The following EDC3 variants were observed in gnomAD, a reference collection of about 807,000 sequenced individuals.
EDC3 encodes enhancer of mRNA-decapping protein 3.
In EDC3, 20 loss-of-function variants were observed where a neutral mutation model predicts 41.8. That is an observed-to-expected ratio of 0.48 (90% CI 0.34 to 0.70). The LOEUF (loss-of-function observed/expected upper bound fraction) is 0.70. EDC3 is among the 30% of genes least tolerant of loss of function. The pLI, the probability that EDC3 is intolerant of heterozygous loss-of-function variation, is 0.01. For synonymous variants in EDC3, 206 were observed against 243.2 expected, an observed-to-expected ratio of 0.85 and a Z score of 1.42; for missense variants, 444 against 636.8, an observed-to-expected ratio of 0.70 and a Z score of 3.26.
intron 3 of EDC3, among the ~76,000 whole-genome samples, chr15:74,661,817 CAAAT>C (rs779540792): frequency 1.5e-4 from 22 of 151,542 alleles, no homozygotes; most frequent in Non-Finnish European, 2.2e-4. Context: ...GCACAATGGT[CAAAT>C]AAATAATTCA....
chr15:74,635,069 T>TTACA, intron 6 of EDC3: 1 of 507,532 alleles, frequency 2.0e-6, no homozygotes, highest in Non-Finnish European at 3.8e-6. Context: ...CACAAGTATG[T>TTACA]TACATGTCTT....
intron 2 of EDC3, among the ~76,000 whole-genome samples, chr15:74,673,460 T>C (rs1472516024): frequency 6.6e-6 from 1 of 152,156 alleles, no homozygotes; most frequent in Non-Finnish European, 1.5e-5. Context: ...CCGAAAATCT[T>C]GCATTTAAGA....
At chr15:74,656,600 A>G (rs567206646) in intron 3 of EDC3, among the ~76,000 whole-genome samples, 1 of 152,352 alleles carries the variant, frequency 6.6e-6, no homozygotes, top group East Asian at 1.9e-4. Context: ...GTAAGAATAT[A>G]GCATGGTGGT....
chr15:74,691,136 C>CAAA (rs112091416), intron 1 of EDC3, among the ~76,000 whole-genome samples: 1 of 115,626 alleles, frequency 8.6e-6, no homozygotes, highest in African/African-American at 3.2e-5. Context: ...GACCCTGTCT[C>CAAA]AAAAAAAAAA....
intron 2 of EDC3, among the ~76,000 whole-genome samples, chr15:74,674,694 G>C (rs1281354101): frequency 2.0e-5 from 3 of 152,096 alleles, no homozygotes; most frequent in East Asian, 3.9e-4. Context: ...GGAGGCCAAG[G>C]AATGAATATC....
chr15:74,637,678 A>T (rs567314055), intron 5 of EDC3: 8 of 152,350 alleles, frequency 5.3e-5, no homozygotes, highest in African/African-American at 1.9e-4. Flanking sequence ...GAATCAGGAG[A>T]TGCCTTCCAT....
intron 6 of EDC3, among the ~76,000 whole-genome samples, chr15:74,634,932 C>T (rs1399024406): frequency 6.6e-6 from 1 of 152,184 alleles, no homozygotes. Flanking sequence ...AGCCCAAATC[C>T]TTGTGGTCAT....
Position 74,656,201 on chromosome 15 carries a change from C to A in EDC3, c.485-133G>T, listed in dbSNP as rs1323534665. 5 of 816,708 alleles carry A rather than the reference C, an allele frequency of 6.1e-6. No individual in the cohort carries two copies. In the East Asian group the frequency reaches 1.3e-4, roughly 21 times the overall value. The allele number at this position is 816,708 out of a possible 1,614,324, so 50.6% of individuals were successfully genotyped here. On this transcript the variant is annotated intron_variant, in intron 3 of 6. Coordinates refer to ENST00000315127, the MANE Select transcript of EDC3 (RefSeq NM_025083.5). ...ATGGTAAAGGTAACTATTGCAAACT[C>A]ATATTAAGTAGCACAAACAACAAAT...
intron 4 of EDC3, chr15:74,643,347 T>C (rs576923348): frequency 1.3e-5 from 2 of 152,318 alleles, no homozygotes; most frequent in African/African-American, 4.8e-5. Context: ...AGCATTAATA[T>C]GTATTTTACA....
At chr15:74,651,679 A>C (rs1159917661) in intron 4 of EDC3, among the ~76,000 whole-genome samples, 5 of 152,246 alleles carry the variant, frequency 3.3e-5, no homozygotes, top group African/African-American at 1.2e-4. Context: ...ATTCTAGGAC[A>C]TGAATGCCAC....
At position 74,640,560 on chromosome 15, in the gene EDC3, C is replaced by T; in HGVS notation, c.880G>A (p.Ala294Thr). The T allele has an allele frequency of 6.2e-7, 1 of 1,614,220 alleles. No homozygotes were observed. Among genetic ancestry groups the T allele is most frequent in the Non-Finnish European group, 8.5e-7 (1 of 1,180,040 alleles). The change falls in exon 5 of 7, where the codon GCT becomes ACT. Residue 294 changes from alanine to threonine, a missense_variant. Ala to Thr is a moderately conservative substitution (Grantham distance 58). Transcript: ENST00000315127. ...YELHKKLLSVAEKHGLTLERR... is the reference protein window; with the variant it reads ...YELHKKLLSVTEKHGLTLERR... ...TCAAGGGTCAGCCCATGCTTCTCAG[C>T]CACGGACAACAGCTTTTTATGCAGC...
chr15:74,685,343 C>T (rs746142658), intron 1 of EDC3, among the ~76,000 whole-genome samples: 1 of 152,132 alleles, frequency 6.6e-6, no homozygotes, highest in African/African-American at 2.4e-5. Context: ...GTCAAGGCTG[C>T]AATGAGCCAT....
chr15:74,659,612 C>A (rs1474813878), intron 3 of EDC3, among the ~76,000 whole-genome samples: 1 of 148,762 alleles, frequency 6.7e-6, no homozygotes, highest in African/African-American at 2.5e-5. Flanking sequence ...TGGCTCATGC[C>A]CAAATCTCAG....
At chr15:74,667,544 G>C (rs1454557890) in intron 3 of EDC3, among the ~76,000 whole-genome samples, 1 of 147,970 alleles carries the variant, frequency 6.8e-6, no homozygotes, top group Non-Finnish European at 1.5e-5. Context: ...GTAGTAGTAA[G>C]CATCTTTCAG....
At chr15:74,652,729 C>A (rs922693484) in intron 4 of EDC3, among the ~76,000 whole-genome samples, 3 of 152,182 alleles carry the variant, frequency 2.0e-5, no homozygotes, top group Admixed American at 6.5e-5. Context: ...CAGGCACATG[C>A]CACCGTGCCC....
chr15:74,640,759 T>A, intron 4 of EDC3, 140 bp from the exon 5 acceptor site: 1 of 1,018,970 alleles, frequency 9.8e-7, no homozygotes, highest in Non-Finnish European at 1.4e-6. Flanking sequence ...CTTCCGGGAC[T>A]AAGGCACGCT....
chr15:74,662,496 A>T (rs1212829149), intron 3 of EDC3, among the ~76,000 whole-genome samples: 1 of 151,848 alleles, frequency 6.6e-6, no homozygotes, highest in African/African-American at 2.4e-5. Context: ...AAGAGGTTAT[A>T]AAAAAAGGGC....
intron 2 of EDC3, among the ~76,000 whole-genome samples, chr15:74,674,430 G>A (rs975332525): frequency 6.6e-6 from 1 of 152,148 alleles, no homozygotes; most frequent in Admixed American, 6.5e-5. Context: ...AATGAGATTG[G>A]GATTGAGATA....
Position 74,632,242 on chromosome 15 carries a change from G to A in EDC3, c.*370C>T, listed in dbSNP as rs935730247. On this transcript the variant is annotated 3_prime_UTR_variant, in exon 7 of 7. Transcript: ENST00000315127. This position sits in a 1 kb window ranked among gnomAD's most constrained non-coding sequence, Gnocchi z 4.0. ...AAGCTCTGAAATAGAGCAGGTACAG[G>A]CCCCCAGACAGGACCTGGCCCACTC... The A allele has an allele frequency of 3.6e-6, 1 of 275,622 alleles. No individual in the cohort carries two copies. Among genetic ancestry groups the A allele is most frequent in the Admixed American group, 4.8e-5 (1 of 20,780 alleles). 17.1% of individuals were successfully genotyped at this position (275,622 alleles called of 1,614,324 possible).
Sources: gnomAD v4.1 joint callset for allele counts (sites outside exome capture counted in the v4.1 genomes callset) on GRCh38, gnomAD v4.1.1 for gene constraint, Gnocchi (gnomAD v3.1) non-coding constraint, MANE v1.5 for transcripts, NCBI Gene and HGNC (gene_info 2026-07-23, HGNC 2026-07-21) for gene names.